The following IDH2 variants were observed in gnomAD, a reference collection of about 807,000 sequenced individuals.
IDH2 encodes isocitrate dehydrogenase [NADP], mitochondrial.
IDH2 carries 18 observed loss-of-function variants against 50.5 expected under a neutral mutation model. The ratio of observed to expected loss-of-function variants is 0.36; its 90% CI spans 0.25 to 0.53. The LOEUF (loss-of-function observed/expected upper bound fraction) is 0.53, where lower values mean the gene tolerates loss of function less well. Ranked by LOEUF, IDH2 falls within the 20% of genes least tolerant of loss-of-function variation. IDH2 has a pLI of 0.92. For synonymous variants in IDH2, 280 were observed against 239.8 expected, an observed-to-expected ratio of 1.17 and a Z score of -1.55; for missense variants, 518 against 610.7, an observed-to-expected ratio of 0.85 and a Z score of 1.60.
At chr15:90,086,693 G>T (rs541842775) in intron 7 of IDH2, among the ~76,000 whole-genome samples, 1 of 152,102 alleles carries the variant, frequency 6.6e-6, no homozygotes, top group Admixed American at 6.6e-5. Context: ...GACACCCTAG[G>T]GCTTGGGGGT....
At chr15:90,089,064 G>A (rs1054754123) in intron 3 of IDH2, among the ~76,000 whole-genome samples, 8 of 151,806 alleles carry the variant, frequency 5.3e-5, no homozygotes, top group African/African-American at 1.9e-4. Flanking sequence ...ACAGGCATGT[G>A]ACACCACACC....
chr15:90,089,265 T>TA (rs527417590), intron 3 of IDH2, among the ~76,000 whole-genome samples: 21 of 151,328 alleles, frequency 1.4e-4, no homozygotes, highest in Non-Finnish European at 2.7e-4. Flanking sequence ...ACCAAAGCTG[T>TA]AAAAAAAAAT....
At chr15:90,102,151 G>C (rs963723518) in intron 1 of IDH2, 125 bp downstream of exon 1, 3 of 362,780 alleles carry the variant, frequency 8.3e-6, no homozygotes, top group Non-Finnish European at 1.4e-5. Flanking sequence ...GCGGCCCTTT[G>C]TGCGCCTGAC....
chr15:90,084,762 C>T lies in IDH2; in HGVS notation c.1271+54G>A. On this transcript the variant is annotated intron_variant, in intron 10 of 10. Transcript: ENST00000330062. The surrounding 1 kb of genome is among the most constrained non-coding windows in gnomAD (Gnocchi z 5.0). Reference sequence around the variant, plus strand: ...ATGAGGGGGACTTTAGGAGGGGTCCCCTGGCTTCCTCCCACATGGCCCCAG... The same window carrying T: ...ATGAGGGGGACTTTAGGAGGGGTCCTCTGGCTTCCTCCCACATGGCCCCAG... The T allele has an allele frequency of 1.4e-6, 2 of 1,456,896 alleles. No homozygotes were observed. Among genetic ancestry groups the T allele is most frequent in the Non-Finnish European group, 9.6e-7 (1 of 1,042,178 alleles). The allele number at this position is 1,456,896 out of a possible 1,614,324, so 90.2% of individuals were successfully genotyped here. A position where few individuals can be genotyped will look rare whatever the true frequency, so the allele number is the denominator to read the frequency against.
intron 5 of IDH2, 22 bp from the exon 6 acceptor site, chr15:90,087,597 C>T: frequency 5.0e-6 from 8 of 1,612,406 alleles, no homozygotes; most frequent in Non-Finnish European, 6.8e-6. Flanking sequence ...GAGACAGGGC[C>T]CTGGCGTGGT....
At chr15:90,087,012 C>CT in intron 7 of IDH2, 100 bp downstream of exon 7, 18 of 1,325,342 alleles carry the variant, frequency 1.4e-5, no homozygotes, top group Non-Finnish European at 2.0e-5. Flanking sequence ...GCAATGAGTC[C>CT]TGCTCCACTA....
intron 1 of IDH2, among the ~76,000 whole-genome samples, chr15:90,093,310 C>T (rs982250507): frequency 7.9e-5 from 12 of 152,382 alleles, no homozygotes; most frequent in Non-Finnish European, 1.5e-4. Flanking sequence ...GCTACAGGCC[C>T]ATGCCAAGAT....
chr15:90,088,113 T>G (rs568303457), intron 5 of IDH2, among the ~76,000 whole-genome samples: 2 of 150,858 alleles, frequency 1.3e-5, no homozygotes, highest in African/African-American at 2.5e-5. Flanking sequence ...CTTTTCTTTT[T>G]GTTTCAAGAG....
rs1555462223 is a variant in IDH2 at position 90,098,511 on chromosome 15, T to TATGTATGTATGTATGTATGC, written c.115+3764_115+3765insGCATACATACATACATACAT. Among the ~76,000 whole-genome samples, 80 of 139,862 alleles carry TATGTATGTATGTATGTATGC rather than the reference T, an allele frequency of 5.7e-4. 3 individuals carry two copies. The South Asian group carries it at 0.017, about 31-fold the overall frequency. The allele number at this position is 139,862 out of a possible 152,430, so 91.8% of individuals were successfully genotyped here. On this transcript the variant is annotated intron_variant, in intron 1 of 10. Transcript: ENST00000330062. This position sits in a 1 kb window ranked among gnomAD's most constrained non-coding sequence, Gnocchi z 5.1. ...AGCAACTTTGTATATTTTATGTATG[T>TATGTATGTATGTATGTATGC]ATGTATGTATGTATGCATGCATGTA...
At chr15:90,093,477 G>A (rs1410580184) in intron 1 of IDH2, among the ~76,000 whole-genome samples, 1 of 152,180 alleles carries the variant, frequency 6.6e-6, no homozygotes, top group African/African-American at 2.4e-5. Context: ...TGGTGATAAA[G>A]GAAATAGTAT....
In IDH2 at chr15:90,102,371, AC is replaced by A; in HGVS notation, c.19del (p.Val7SerfsTer20). ...TGAGGCTCTGCAGAGCGAGCGCACG[AC>A]CCGCAGGTAGCCGGCCATCCCAAGC... is the stretch of plus-strand genomic sequence containing the variant. MAGYLR[V>X]VRSLCRASGS... On this transcript the variant is annotated frameshift_variant, in exon 1 of 11. Coordinates refer to ENST00000330062, the MANE Select transcript of IDH2 (RefSeq NM_002168.4). LOFTEE classifies it high-confidence loss of function. 2 of 1,361,304 alleles carry A rather than the reference AC, an allele frequency of 1.5e-6. No homozygotes were observed. The highest frequency in any genetic ancestry group is 1.6e-5 in the South Asian group (1 of 62,016). 84.3% of individuals were successfully genotyped at this position (1,361,304 alleles called of 1,614,324 possible).
intron 1 of IDH2, among the ~76,000 whole-genome samples, chr15:90,101,178 C>T (rs1017519962): frequency 1.3e-5 from 2 of 152,090 alleles, no homozygotes; most frequent in Non-Finnish European, 2.9e-5. Context: ...CCTACCCCCC[C>T]GGCTCTAGTC....
chr15:90,100,488 G>T lies in IDH2; in HGVS notation c.115+1788C>A. On this transcript the variant is annotated intron_variant, in intron 1 of 10. Coordinates refer to ENST00000330062, the MANE Select transcript of IDH2 (RefSeq NM_002168.4). The surrounding 1 kb of genome is among the most constrained non-coding windows in gnomAD (Gnocchi z 4.1). The stretch of plus-strand genomic sequence containing the variant: ...AAGGGGCAAGAATTAAGAAGTTTCT[G>T]GGTTAGGAGTGAAGGAAGGCTAGAT... 3.5e-6 allele frequency: 1 copy of T among 282,036 alleles called. No homozygotes were observed. Among genetic ancestry groups the T allele is most frequent in the Non-Finnish European group, 5.3e-6 (1 of 186,916 alleles). The allele number at this position is 282,036 out of a possible 1,614,324, so 17.5% of individuals were successfully genotyped here.
chr15:90,092,551 G>T (rs572509793), intron 1 of IDH2, among the ~76,000 whole-genome samples: 4 of 151,642 alleles, frequency 2.6e-5, no homozygotes, highest in Non-Finnish European at 5.9e-5. Context: ...GACTACAGGC[G>T]CATGCCACCA....
chr15:90,087,888 C>G (rs1025081097), intron 5 of IDH2, among the ~76,000 whole-genome samples: 3 of 149,154 alleles, frequency 2.0e-5, no homozygotes, highest in Admixed American at 6.7e-5. Context: ...GGCTAATTCC[C>G]AGGCCTAGCG....
At position 90,087,579 on chromosome 15, in the gene IDH2, C is replaced by T; in HGVS notation, c.679-4G>A. 1 of 1,613,008 alleles carries T rather than the reference C, an allele frequency of 6.2e-7. No homozygotes were observed. The highest frequency in any genetic ancestry group is 8.5e-7 in the Non-Finnish European group (1 of 1,180,028). On this transcript the variant is annotated splice_region_variant and splice_polypyrimidine_tract_variant and intron_variant, in intron 5 of 10. Coordinates refer to ENST00000330062, the MANE Select transcript of IDH2 (RefSeq NM_002168.4). ...TGTGCGCAAAACCTGAGATGGACTG[C>T]AGGGGGAGAGACAGGGCCCTGGCGT...
chr15:90,087,640 C>T (rs1048020030), intron 5 of IDH2, 65 bp from the exon 6 acceptor site: 16 of 1,598,468 alleles, frequency 1.0e-5, no homozygotes, highest in Middle Eastern at 2.3e-4. Context: ...CAACCTCCCA[C>T]CTCCCAGGGC....
chr15:90,090,597 C>T lies in IDH2; in HGVS notation c.255G>A (p.Gly85=), dbSNP rs767257370. 6.2e-7 allele frequency: 1 copy of T among 1,614,054 alleles called. No individual in the cohort carries two copies. Among genetic ancestry groups the T allele is most frequent in the East Asian group, 2.2e-5 (1 of 44,904 alleles). ...VDIQLKYFDL[G]LPNRDQTDDQ... ...CATCAGTCTGGTCACGGTTTGGGAG[C>T]CCGAGGTCAAAATACTTTAGCTGGA... The change falls in exon 3 of 11, where the codon GGG becomes GGA. Residue 85 remains glycine, a synonymous_variant. Transcript: ENST00000330062.
chr15:90,094,092 G>A (rs1901119835), intron 1 of IDH2, among the ~76,000 whole-genome samples: 1 of 152,154 alleles, frequency 6.6e-6, no homozygotes, highest in African/African-American at 2.4e-5. Flanking sequence ...CCCAGCCGAC[G>A]CAGGTGGGTC....
Sources: gnomAD v4.1 joint callset for allele counts (sites outside exome capture counted in the v4.1 genomes callset) on GRCh38, gnomAD v4.1.1 for gene constraint, Gnocchi (gnomAD v3.1) non-coding constraint, MANE v1.5 for transcripts, NCBI Gene and HGNC (gene_info 2026-07-23, HGNC 2026-07-21) for gene names.